The following HAPSTR1 variants were observed in gnomAD, a reference collection of about 807,000 sequenced individuals.
HAPSTR1 encodes the protein HUWE1-associated protein modifying stress responses 1.
At chr16:9,119,192 G>A in the HAPSTR1 span, 1 of 152,346 alleles carries the variant, frequency 6.6e-6, no homozygotes, top group African/African-American at 2.4e-5. Context: ...CCGACGCACA[G>A]AATAAACATG....
the HAPSTR1 span, among the ~76,000 whole-genome samples, chr16:9,097,033 T>C: frequency 6.6e-6 from 1 of 152,020 alleles, no homozygotes; most frequent in East Asian, 1.9e-4. Context: ...ACCGCCTCCC[T>C]GGTTCAAGCG....
the HAPSTR1 span, chr16:9,103,055 G>A: frequency 3.7e-6 from 6 of 1,614,076 alleles, no homozygotes; most frequent in Admixed American, 1.7e-5. Flanking sequence ...CAATAAGGAT[G>A]TGTTGGCTTG....
the HAPSTR1 span, chr16:9,112,769 A>G: frequency 5.3e-5 from 8 of 152,150 alleles, no homozygotes; most frequent in Admixed American, 3.9e-4. Context: ...CTCCAGTGGG[A>G]GTTTCCTTTT....
At chr16:9,118,869 T>C in the HAPSTR1 span, 1 of 152,676 alleles carries the variant, frequency 6.5e-6, no homozygotes, top group South Asian at 2.1e-4. Context: ...ATGCCTTGGT[T>C]CTTGCTCCTC....
At chr16:9,103,437 C>G in the HAPSTR1 span, 1 of 620,400 alleles carries the variant, frequency 1.6e-6, no homozygotes, top group Non-Finnish European at 2.7e-6. Flanking sequence ...TTTCTGTCAG[C>G]TAACCTATCC....
At chr16:9,112,252 T>A in the HAPSTR1 span, 1 of 152,236 alleles carries the variant, frequency 6.6e-6, no homozygotes, top group Non-Finnish European at 1.5e-5. Flanking sequence ...AACACAACTT[T>A]GTGCAAAAGG....
chr16:9,115,470 CTG>C, the HAPSTR1 span, among the ~76,000 whole-genome samples: 1 of 152,152 alleles, frequency 6.6e-6, no homozygotes, highest in African/African-American at 2.4e-5. Context: ...AAATGCAACA[CTG>C]TGTTTGGTGT....
the HAPSTR1 span, chr16:9,109,102 A>G: frequency 1.3e-5 from 2 of 152,186 alleles, no homozygotes; most frequent in African/African-American, 2.4e-5. Flanking sequence ...GGATCAGATC[A>G]TTTAGAACTT....
At chr16:9,110,857 G>C in the HAPSTR1 span, 2 of 152,326 alleles carry the variant, frequency 1.3e-5, no homozygotes, top group Non-Finnish European at 2.9e-5. Context: ...GACCAACTTG[G>C]AGAAACCCCG....
the HAPSTR1 span, chr16:9,103,379 C>T: frequency 5.6e-6 from 6 of 1,066,480 alleles, no homozygotes; most frequent in Non-Finnish European, 7.9e-6. Flanking sequence ...AAACAGCTTG[C>T]TCTAGAAATG....
the HAPSTR1 span, among the ~76,000 whole-genome samples, chr16:9,098,807 G>C: frequency 6.6e-6 from 1 of 152,162 alleles, no homozygotes; most frequent in Non-Finnish European, 1.5e-5. Context: ...TTTGTAGATT[G>C]TCTGCAATTG....
the HAPSTR1 span, chr16:9,117,138 G>T: frequency 1.7e-6 from 1 of 591,070 alleles, no homozygotes. Context: ...ATCAGATATT[G>T]TGTAGTCGTT....
At chr16:9,118,169 T>C in the HAPSTR1 span, 2 of 152,672 alleles carry the variant, frequency 1.3e-5, no homozygotes, top group Non-Finnish European at 2.9e-5. Flanking sequence ...TTTTTTTAGA[T>C]GAAGAACTGA....
chr16:9,102,548 T>C, the HAPSTR1 span, among the ~76,000 whole-genome samples: 433 of 152,388 alleles, frequency 2.8e-3, no homozygotes, highest in Non-Finnish European at 4.5e-3. Context: ...AAACATTTGC[T>C]GCTGCCTTCA....
At chr16:9,097,237 G>T in the HAPSTR1 span, among the ~76,000 whole-genome samples, 1 of 119,698 alleles carries the variant, frequency 8.4e-6, no homozygotes, top group South Asian at 2.5e-4. Flanking sequence ...ACCGCGCCTG[G>T]CTCTTTTTTT....
At chr16:9,097,224 G>A in the HAPSTR1 span, among the ~76,000 whole-genome samples, 1 of 148,640 alleles carries the variant, frequency 6.7e-6, no homozygotes, top group African/African-American at 2.5e-5. Context: ...ACAGGCGTGA[G>A]CCACCGCGCC....
At chr16:9,114,613 C>G in the HAPSTR1 span, among the ~76,000 whole-genome samples, 1 of 152,046 alleles carries the variant, frequency 6.6e-6, no homozygotes, top group Non-Finnish European at 1.5e-5. Context: ...GTGAAGAGAG[C>G]AGGAAGGGAA....
chr16:9,112,295 C>G, the HAPSTR1 span: 1 of 152,212 alleles, frequency 6.6e-6, no homozygotes. Flanking sequence ...CAATTCATTT[C>G]CAATGCAAGA....
the HAPSTR1 span, chr16:9,092,779 A>C: frequency 2.3e-6 from 2 of 887,396 alleles, no homozygotes; most frequent in Non-Finnish European, 3.4e-6. Context: ...GGATCCCGAA[A>C]CCCCTGAACA....
Sources: gnomAD v4.1 joint callset for allele counts (sites outside exome capture counted in the v4.1 genomes callset) on GRCh38, gnomAD v4.1.1 for gene constraint, MANE v1.5 for transcripts, NCBI Gene and HGNC (gene_info 2026-07-23, HGNC 2026-07-21) for gene names.